The following DNAH12 variants were observed in gnomAD, a reference collection of about 807,000 sequenced individuals.
DNAH12 encodes the protein axonemal beta dynein heavy chain 12.
A neutral mutation model predicts 371.5 loss-of-function variants in DNAH12; 285 were observed. That is an observed-to-expected ratio of 0.77 (90% CI 0.70 to 0.85). The LOEUF (loss-of-function observed/expected upper bound fraction) is 0.85, where lower values mean the gene tolerates loss of function less well. Among genes scored for constraint, DNAH12 ranks in the 40% least tolerant of loss-of-function variants. DNAH12 has a pLI of 0.00. For synonymous variants in DNAH12, 1,200 were observed against 1,213.0 expected, an observed-to-expected ratio of 0.99 and a Z score of 0.22; for missense variants, 3,611 against 3,689.4, an observed-to-expected ratio of 0.98 and a Z score of 0.55.
At chr3:57,441,463 GGA>G (rs2153369019) in intron 29 of DNAH12, among the ~76,000 whole-genome samples, 1 of 152,248 alleles carries the variant, frequency 6.6e-6, no homozygotes, top group East Asian at 1.9e-4. Flanking sequence ...AGTTCCGGAA[GGA>G]GAGAGGAGAA....
At chr3:57,315,916 T>C (rs992667387) in intron 65 of DNAH12, among the ~76,000 whole-genome samples, 1 of 152,108 alleles carries the variant, frequency 6.6e-6, no homozygotes, top group Non-Finnish European at 1.5e-5. Flanking sequence ...GAAAGATGCA[T>C]ACTTGAGATA....
In DNAH12 at chr3:57,502,339, C is replaced by T. The variant is rs2067580128; in HGVS notation, c.1227G>A (p.Lys409=). ...CATACACACCATATGTCTCATAATG[C>T]TTTCTTGCACCTTCTAAGTTCCGAT... ...AVHRNLEGAR[K]HYETYVEKYN... Residue 409 remains lysine, a synonymous_variant, in exon 10 of 74, where the codon AAG becomes AAA. Transcript: ENST00000495027. 3 of 1,613,942 alleles carry T rather than the reference C, an allele frequency of 1.9e-6. No homozygotes were observed. The highest frequency in any genetic ancestry group is 2.2e-5 in the South Asian group (2 of 91,078).
intron 30 of DNAH12, 75 bp downstream of exon 30, chr3:57,436,874 CTT>C (rs2065143407): frequency 9.3e-7 from 1 of 1,073,136 alleles, no homozygotes; most frequent in Non-Finnish European, 1.3e-6. Context: ...TTTGCCAAGT[CTT>C]TGGTTCATGG....
chr3:57,523,860 T>A lies in DNAH12; in HGVS notation c.195A>T (p.Leu65Phe). 6.2e-7 allele frequency: 1 copy of A among 1,605,490 alleles called. No homozygotes were observed. The change falls in exon 3 of 74, where the codon TTA (leucine) becomes TTT (phenylalanine). Residue 65 changes from leucine (L) to phenylalanine (F), a missense_variant. Physicochemically the swap from Leu to Phe is conservative, Grantham distance 22. This residue lies in a region of DNAH12 where 1,314 missense variants were observed against 1,398.7 expected (regional missense o/e 0.94). Transcript: ENST00000495027. ...QLVIDGAKRN[L>F]DRTLGKRTPL... ...GTGTTCTTTTACCCAGTGTTCTGTC[T>A]AAATTTCTTTTGGCTCCATCAATTC...
intron 43 of DNAH12, among the ~76,000 whole-genome samples, chr3:57,396,149 A>G (rs2153348988): frequency 6.6e-6 from 1 of 151,212 alleles, no homozygotes; most frequent in South Asian, 2.1e-4. Flanking sequence ...ATGGTGGCAC[A>G]TGCCTGTAAT....
intron 44 of DNAH12, among the ~76,000 whole-genome samples, chr3:57,393,036 C>G (rs1464774874): frequency 2.6e-5 from 4 of 152,140 alleles, no homozygotes; most frequent in Middle Eastern, 3.2e-3. Flanking sequence ...CCTTCACGCT[C>G]CATACCATGA....
intron 52 of DNAH12, among the ~76,000 whole-genome samples, chr3:57,378,630 T>C (rs2063328951): frequency 6.6e-6 from 1 of 152,214 alleles, no homozygotes; most frequent in African/African-American, 2.4e-5. Flanking sequence ...CCCTGGTCCT[T>C]TGCTAGCCAA....
intron 62 of DNAH12, among the ~76,000 whole-genome samples, chr3:57,325,563 C>T (rs1027558452): frequency 2.0e-5 from 3 of 152,154 alleles, no homozygotes; most frequent in African/African-American, 7.2e-5. Flanking sequence ...CACCAAAAAC[C>T]CATCTGTACA....
intron 37 of DNAH12, 22 bp from the exon 38 acceptor site, chr3:57,415,586 A>G (rs1257051412): frequency 1.3e-6 from 2 of 1,508,560 alleles, no homozygotes; most frequent in East Asian, 2.5e-5. Context: ...CAATGAATAT[A>G]TTATTCAAAA....
At chr3:57,501,643 C>T (rs1296920587) in intron 10 of DNAH12, among the ~76,000 whole-genome samples, 1 of 152,078 alleles carries the variant, frequency 6.6e-6, no homozygotes, top group African/African-American at 2.4e-5. Flanking sequence ...TTAAGAATAA[C>T]TTAGGGGTAC....
intron 65 of DNAH12, among the ~76,000 whole-genome samples, chr3:57,317,036 A>G (rs571354341): frequency 6.6e-6 from 1 of 152,284 alleles, no homozygotes; most frequent in South Asian, 2.1e-4. Flanking sequence ...TACCTATATT[A>G]GAGGACTGTT....
chr3:57,303,150 T>C (rs1407335150), intron 69 of DNAH12, among the ~76,000 whole-genome samples: 4 of 151,240 alleles, frequency 2.6e-5, no homozygotes, highest in South Asian at 2.1e-4. Context: ...CCATCCTGGC[T>C]AACATGGTGA....
chr3:57,517,033 A>T (rs936388251), intron 4 of DNAH12, among the ~76,000 whole-genome samples: 15 of 151,964 alleles, frequency 9.9e-5, no homozygotes, highest in African/African-American at 3.6e-4. Flanking sequence ...CCTTCAGGTG[A>T]CTTAAACTTA....
chr3:57,322,727 C>G (rs566593853), intron 64 of DNAH12, among the ~76,000 whole-genome samples: 1 of 152,198 alleles, frequency 6.6e-6, no homozygotes, highest in African/African-American at 2.4e-5. Context: ...GTCAGGAGTT[C>G]GAGACCAGGC....
intron 60 of DNAH12, among the ~76,000 whole-genome samples, chr3:57,341,657 AAATT>A (rs1182836284): frequency 2.6e-5 from 4 of 152,140 alleles, no homozygotes; most frequent in African/African-American, 7.2e-5. Context: ...TGGATTAGAA[AAATT>A]AATATTGTTA....
chr3:57,305,330 C>G (rs1378671556), intron 69 of DNAH12, among the ~76,000 whole-genome samples: 1 of 151,934 alleles, frequency 6.6e-6, no homozygotes, highest in Non-Finnish European at 1.5e-5. Context: ...CCCATCTGAC[C>G]TCTCCCCTCC....
intron 12 of DNAH12, among the ~76,000 whole-genome samples, chr3:57,488,535 C>T (rs1020572440): frequency 6.6e-6 from 1 of 152,058 alleles, no homozygotes; most frequent in African/African-American, 2.4e-5. Flanking sequence ...AAAACTGAGG[C>T]TCAGGAAAAT....
At chr3:57,434,007 T>C (rs1489105833) in intron 30 of DNAH12, among the ~76,000 whole-genome samples, 179 bp from the exon 31 acceptor site, 4 of 152,192 alleles carry the variant, frequency 2.6e-5, no homozygotes, top group African/African-American at 4.8e-5. Context: ...ACAAATCAAA[T>C]TCTTCACTGT....
At chr3:57,340,021 T>C (rs1355880716) in intron 60 of DNAH12, among the ~76,000 whole-genome samples, 4 of 151,450 alleles carry the variant, frequency 2.6e-5, no homozygotes, top group Non-Finnish European at 5.9e-5. Context: ...CAGTGAGCTG[T>C]GATCATACCA....
Sources: gnomAD v4.1 joint callset for allele counts (sites outside exome capture counted in the v4.1 genomes callset) on GRCh38, gnomAD v4.1.1 for gene constraint, gnomAD v4.1.1 regional missense constraint, MANE v1.5 for transcripts, NCBI Gene and HGNC (gene_info 2026-07-23, HGNC 2026-07-21) for gene names.